GRSF1: variants seen among roughly 807,000 people sequenced by gnomAD.
GRSF1 encodes G-rich sequence factor 1.
In GRSF1, 50 loss-of-function variants were observed where a neutral mutation model predicts 51.1. The observed-to-expected ratio is 0.98, with a 90% confidence interval of 0.78 to 1.24. The LOEUF is 1.24. Ranked by LOEUF, GRSF1 falls within the 50% of genes most tolerant of loss-of-function variation. The pLI, the probability that GRSF1 is intolerant of heterozygous loss-of-function variation, is 0.00. For synonymous variants in GRSF1, 293 were observed against 253.3 expected, an observed-to-expected ratio of 1.16 and a Z score of -1.49; for missense variants, 700 against 639.7, an observed-to-expected ratio of 1.09 and a Z score of -1.02.
chr4:70,817,531 A>C lies in GRSF1; in HGVS notation c.*3356T>G, dbSNP rs1733358098. 6.6e-6 allele frequency: 1 copy of C among 152,250 alleles called. No homozygotes were observed. The highest frequency in any genetic ancestry group is 2.4e-5 in the African/African-American group (1 of 41,468). 9.4% of individuals were successfully genotyped at this position (152,250 alleles called of 1,614,324 possible). A position where few individuals can be genotyped will look rare whatever the true frequency, so the allele number is the denominator to read the frequency against. On this transcript the variant is annotated 3_prime_UTR_variant, in exon 10 of 10. Transcript: ENST00000254799. ...ATAAGGATGGCAGATTAAGTATATG[A>C]AAAGGTGCTCCACATCACTATGGGA... is the stretch of plus-strand genomic sequence containing the variant.
Position 70,839,539 on chromosome 4 carries a change from G to A in GRSF1, c.289C>T (p.Leu97Phe). ...AAAAAASYSA[L>F]RASLLPQSLA... ...GACTGCGGCAGCAGAGAGGCACGGA[G>A]GGCAGAGTAGGACGCGGCGGCCGCG... Residue 97 changes from leucine (L) to phenylalanine (F), a missense_variant, in exon 1 of 10, where the codon CTC becomes TTC. Physicochemically the swap from Leu to Phe is conservative, Grantham distance 22. Transcript: ENST00000254799. 6.9e-7 allele frequency: 1 copy of A among 1,440,216 alleles called. No individual in the cohort carries two copies. 89.2% of individuals were successfully genotyped at this position (1,440,216 alleles called of 1,614,324 possible).
rs749356964 is a variant in GRSF1 at position 70,825,296 on chromosome 4, G to A, written c.1393C>T (p.His465Tyr). The change falls in exon 8 of 10, where the codon CAT (histidine) becomes TAT (tyrosine). Residue 465 changes from histidine to tyrosine, a missense_variant and splice_region_variant. His to Tyr is a moderately conservative substitution (Grantham distance 83). Transcript: ENST00000254799. The part of the protein sequence containing the change: ...AAMLKDRSHV[H>Y]HRYIELFLNS... ...AACAAAAGCCAAAGGCAGGACTTAC[G>A]AACGTGGGACCGATCCTTGAGCATC... 19 of 1,599,562 alleles carry A rather than the reference G, an allele frequency of 1.2e-5. No homozygotes were observed. In the South Asian group the frequency reaches 1.3e-4, roughly 11 times the overall value.
intron 9 of GRSF1, among the ~76,000 whole-genome samples, chr4:70,822,797 A>T (rs929460686): frequency 6.3e-4 from 96 of 152,304 alleles, no homozygotes; most frequent in African/African-American, 2.2e-3. Context: ...CATATAAATC[A>T]TAAGGAATTA....
rs145215861 is a variant in GRSF1, at chr4:70,824,205, G to C, written c.*25+89C>G. The C allele has an allele frequency of 7.4e-4, 433 of 587,860 alleles. 2 individuals are homozygous for C. The highest frequency in any genetic ancestry group is 7.1e-3 in the African/African-American group (382 of 53,454). 36.4% of individuals were successfully genotyped at this position (587,860 alleles called of 1,614,324 possible). The stretch of plus-strand genomic sequence containing the variant: ...AGGCTGGCTTGAACTCCTGACCTCA[G>C]GTGGTCCGCCCACCTTGGCCTCCCA... On this transcript the variant is annotated intron_variant, in intron 9 of 9. Coordinates refer to ENST00000254799, the MANE Select transcript of GRSF1 (RefSeq NM_002092.4).
At chr4:70,826,492 T>A (rs1733742104) in intron 6 of GRSF1, among the ~76,000 whole-genome samples, 1 of 151,020 alleles carries the variant, frequency 6.6e-6, no homozygotes, top group African/African-American at 2.4e-5. Flanking sequence ...GGTAAAATGA[T>A]TATGAATTAA....
chr4:70,829,464 T>C (rs1043587167), intron 5 of GRSF1, among the ~76,000 whole-genome samples: 3 of 151,874 alleles, frequency 2.0e-5, no homozygotes, highest in African/African-American at 4.8e-5. Flanking sequence ...GAGACCAGCT[T>C]GGGCAACATG....
rs773790284 is a variant in GRSF1, at chr4:70,827,843, G to C, written c.1135+9C>G. ...ACCCAATGAGTCTCAAGAAGAGGCA[G>C]GACCTTACCTATTTCCTTCTCACTT... On this transcript the variant is annotated intron_variant, in intron 6 of 9. Coordinates refer to ENST00000254799, the MANE Select transcript of GRSF1 (RefSeq NM_002092.4). 6.3e-7 allele frequency: 1 copy of C among 1,591,102 alleles called. No individual in the cohort carries two copies. Among genetic ancestry groups the C allele is most frequent in the Non-Finnish European group, 8.6e-7 (1 of 1,163,034 alleles).
intron 2 of GRSF1, among the ~76,000 whole-genome samples, chr4:70,835,634 G>A (rs1734175863): frequency 1.3e-5 from 2 of 151,778 alleles, no homozygotes; most frequent in Admixed American, 1.3e-4. Context: ...GTAGAGACGG[G>A]GTTTCACTAT....
At chr4:70,838,267 T>TGTAAGCAG in intron 1 of GRSF1, among the ~76,000 whole-genome samples, 1 of 140,566 alleles carries the variant, frequency 7.1e-6, no homozygotes, top group East Asian at 2.1e-4. Context: ...AAGGAATAAA[T>TGTAAGCAG]GTAAGCAGTG....
rs544511883 is a variant in GRSF1 at position 70,822,165 on chromosome 4, T to C, written c.*26-1304A>G. ...AAATCTCACGGGTAGGTTAACACTA[T>C]AAAATTATGTACTTCCTAAGGCAAA... On this transcript the variant is annotated intron_variant, in intron 9 of 9. Transcript: ENST00000254799. 2.0e-5 allele frequency among the ~76,000 whole-genome samples: 3 copies of C among 151,588 alleles called. No individual in the cohort carries two copies. The South Asian group carries it at 6.2e-4, about 31-fold the overall frequency.
At chr4:70,826,279 T>A in intron 6 of GRSF1, 34 bp from the exon 7 acceptor site, 1 of 1,565,636 alleles carries the variant, frequency 6.4e-7, no homozygotes. Flanking sequence ...TGTTAAAACA[T>A]AACAGCTTCA....
At chr4:70,839,150 G>A (rs1254943852) in intron 1 of GRSF1, 2 of 1,329,526 alleles carry the variant, frequency 1.5e-6, no homozygotes, top group Non-Finnish European at 2.0e-6. Context: ...TGCGAGGTGG[G>A]GGCGTCAGCA....
At chr4:70,833,520 A>G (rs924862881) in intron 2 of GRSF1, among the ~76,000 whole-genome samples, 2 of 152,200 alleles carry the variant, frequency 1.3e-5, no homozygotes, top group Non-Finnish European at 2.9e-5. Flanking sequence ...TTAAATAGCA[A>G]ATCAGGATAG....
rs1343910475 is a variant in GRSF1, at chr4:70,818,000, T to C, written c.*2887A>G. 1 of 152,248 alleles carries C rather than the reference T, an allele frequency of 6.6e-6. No homozygotes were observed. The highest frequency in any genetic ancestry group is 1.5e-5 in the Non-Finnish European group (1 of 68,070). The allele number at this position is 152,248 out of a possible 1,614,324, so 9.4% of individuals were successfully genotyped here. On this transcript the variant is annotated 3_prime_UTR_variant, in exon 10 of 10. Transcript: ENST00000254799. The stretch of plus-strand genomic sequence containing the variant: ...CCAATTCAATGTGAGTGTCTTCCGA[T>C]AATTTAGGGGAAACTCTCAGAACAA...
At chr4:70,831,492 G>A (rs1453196456) in intron 5 of GRSF1, 47 bp downstream of exon 5, 1 of 1,537,536 alleles carries the variant, frequency 6.5e-7, no homozygotes, top group African/African-American at 1.4e-5. Flanking sequence ...TCATCAAAAT[G>A]ACTTAATGTG....
At position 70,818,704 on chromosome 4, in the gene GRSF1, G is replaced by C. The variant is rs1400687041; in HGVS notation, c.*2183C>G. On this transcript the variant is annotated 3_prime_UTR_variant, in exon 10 of 10. Coordinates refer to ENST00000254799, the MANE Select transcript of GRSF1 (RefSeq NM_002092.4). Reference sequence around the variant, plus strand: ...TCTCCCTTGCACTCCGTAAGCAGCAGCTAGGCTAAAGCAGGATATGAGCAC... The same window carrying C: ...TCTCCCTTGCACTCCGTAAGCAGCACCTAGGCTAAAGCAGGATATGAGCAC... The C allele has an allele frequency of 6.6e-6, 1 of 152,180 alleles. No homozygotes were observed. The highest frequency in any genetic ancestry group is 2.4e-5 in the African/African-American group (1 of 41,454). 9.4% of individuals were successfully genotyped at this position (152,180 alleles called of 1,614,324 possible).
At chr4:70,839,401 A>AGGGGCGCG (rs779908866) in intron 1 of GRSF1, 70 bp downstream of exon 1, 668 of 1,488,236 alleles carry the variant, frequency 4.5e-4, no homozygotes, top group Non-Finnish European at 5.6e-4. Context: ...GGAGGGACGG[A>AGGGGCGCG]GGGGCGCGGG....
chr4:70,823,539 T>C (rs1733607463), intron 9 of GRSF1, among the ~76,000 whole-genome samples: 1 of 151,836 alleles, frequency 6.6e-6, no homozygotes, highest in Non-Finnish European at 1.5e-5. Context: ...TCATTCCTTA[T>C]ATTGACACTT....
chr4:70,823,045 C>G (rs1733583849), intron 9 of GRSF1, among the ~76,000 whole-genome samples: 1 of 151,564 alleles, frequency 6.6e-6, no homozygotes, highest in Non-Finnish European at 1.5e-5. Context: ...TGCAGTGAGC[C>G]CAGACTGCAT....
Sources: allele counts gnomAD v4.1 joint callset (sites outside exome capture counted in the v4.1 genomes callset), GRCh38; gene constraint gnomAD v4.1.1; transcripts MANE v1.5; gene names NCBI Gene and HGNC (gene_info 2026-07-23, HGNC 2026-07-21).